SIDT1: variants seen among roughly 807,000 people sequenced by gnomAD.
The protein encoded by SIDT1 is SID1 transmembrane family member 1.
Under a neutral mutation model 107.5 loss-of-function variants are expected in SIDT1, and 101 were observed. The ratio of observed to expected loss-of-function variants is 0.94; its 90% CI spans 0.80 to 1.11. The LOEUF (loss-of-function observed/expected upper bound fraction) is 1.11. SIDT1 is among the 50% of genes least tolerant of loss of function. SIDT1 has a pLI of 0.00. For missense variants in SIDT1, 1,076 were observed against 1,058.2 expected (o/e 1.02, Z -0.23); for synonymous variants, 395 against 398.2 (o/e 0.99, Z 0.10).
rs1420793115 is a variant in SIDT1 at position 113,619,680 on chromosome 3, G to T, written c.2044G>T (p.Asp682Tyr). The change falls in exon 21 of 25, where the codon GAT (aspartate) becomes TAT (tyrosine). Residue 682 changes from aspartate (D) to tyrosine (Y), a missense_variant and splice_region_variant. Transcript: ENST00000264852. ...IQQCSRPLYM[D>Y]RMVLLVVGNL... ...TGATGTTTTCTTTCCTCTTTTCCAG[G>T]ATAGAATGGTGTTGCTGGTTGTGGG... 1 of 1,613,844 alleles carries T rather than the reference G, an allele frequency of 6.2e-7. No homozygotes were observed. The highest frequency in any genetic ancestry group is 8.5e-7 in the Non-Finnish European group (1 of 1,179,902).
chr3:113,583,610 A>C (rs1327623511), intron 7 of SIDT1, 114 bp downstream of exon 7: 8 of 646,470 alleles, frequency 1.2e-5, no homozygotes, highest in Non-Finnish European at 1.8e-5. Context: ...TTCCATCATC[A>C]TGATGGGAAA....
chr3:113,536,538 AGT>A (rs1938191682), intron 1 of SIDT1, among the ~76,000 whole-genome samples: 1 of 152,200 alleles, frequency 6.6e-6, no homozygotes, highest in Non-Finnish European at 1.5e-5. Context: ...TGGAGGAGAA[AGT>A]CTATTCTAAG....
In SIDT1 at chr3:113,623,612, T is replaced by A; in HGVS notation, c.2197-11T>A. The A allele has an allele frequency of 6.2e-7, 1 of 1,606,810 alleles. No individual in the cohort carries two copies. Among genetic ancestry groups the A allele is most frequent in the Non-Finnish European group, 8.5e-7 (1 of 1,173,602 alleles). On this transcript the variant is annotated splice_polypyrimidine_tract_variant and intron_variant, in intron 22 of 24. Transcript: ENST00000264852. ...GGTCGCGTGAGGCCGCATCTGCTTC[T>A]CCTCCCACAGCTCCGCAGCTCTGAA... is the stretch of plus-strand genomic sequence containing the variant.
At chr3:113,630,788 G>A (rs1947086595), downstream of SIDT1, among the ~76,000 whole-genome samples, 1 of 152,162 alleles carries the variant, frequency 6.6e-6, no homozygotes, top group African/African-American at 2.4e-5. Flanking sequence ...CAGGGTACCA[G>A]GAGCAGTGCT....
At chr3:113,551,778 T>C (rs142069782) in intron 1 of SIDT1, among the ~76,000 whole-genome samples, 131 of 151,990 alleles carry the variant, frequency 8.6e-4, no homozygotes, top group African/African-American at 3.0e-3. Context: ...CCATGAACCA[T>C]GGTCTTACTC....
chr3:113,544,509 T>G (rs892208246), intron 1 of SIDT1, among the ~76,000 whole-genome samples: 6 of 152,268 alleles, frequency 3.9e-5, no homozygotes, highest in East Asian at 3.9e-4. Context: ...GAGTCTTTAC[T>G]TTAATCTTAA....
At chr3:113,568,457 G>A (rs1303850110) in intron 3 of SIDT1, among the ~76,000 whole-genome samples, 7 of 151,900 alleles carry the variant, frequency 4.6e-5, no homozygotes, top group East Asian at 1.9e-4. Context: ...AGCCAGGCAC[G>A]GTGGCGGGCA....
intron 9 of SIDT1, chr3:113,589,748 G>T (rs1016205895): frequency 4.6e-5 from 7 of 152,458 alleles, no homozygotes; most frequent in African/African-American, 1.7e-4. Flanking sequence ...TGGTCAGACT[G>T]GTCTTGAATT....
At chr3:113,622,632 A>C (rs1946545813) in intron 21 of SIDT1, among the ~76,000 whole-genome samples, 1 of 152,166 alleles carries the variant, frequency 6.6e-6, no homozygotes, top group Non-Finnish European at 1.5e-5. Flanking sequence ...GCTAGCAAAA[A>C]TTTGGTAATG....
intron 2 of SIDT1, 103 bp from the exon 3 acceptor site, chr3:113,567,437 G>T: frequency 2.2e-6 from 2 of 929,210 alleles, no homozygotes; most frequent in Non-Finnish European, 3.3e-6. Context: ...ACCTGAAAAT[G>T]AATTTGGAGA....
chr3:113,568,601 A>AAAAAAGAAAAG (rs1553788329), intron 3 of SIDT1, among the ~76,000 whole-genome samples: 19 of 144,444 alleles, frequency 1.3e-4, no homozygotes, highest in East Asian at 6.4e-4. Flanking sequence ...CTCAAAAAAA[A>AAAAAAGAAAAG]AAAAGAAAAG....
chr3:113,622,461 CTCAAA>C (rs1560143883), intron 21 of SIDT1, among the ~76,000 whole-genome samples: 1 of 63,580 alleles, frequency 1.6e-5, no homozygotes, highest in African/African-American at 6.7e-5. Context: ...GAGACTCCAT[CTCAAA>C]AAAAAAAAAA....
At chr3:113,546,783 T>C (rs1436103356) in intron 1 of SIDT1, among the ~76,000 whole-genome samples, 1 of 152,240 alleles carries the variant, frequency 6.6e-6, no homozygotes, top group African/African-American at 2.4e-5. Flanking sequence ...TACCAGCATT[T>C]CTTTCTTCTT....
rs372619913 is a variant in SIDT1 at position 113,595,338 on chromosome 3, C to T, written c.1045+2290C>T. 7.9e-5 allele frequency among the ~76,000 whole-genome samples: 12 copies of T among 152,134 alleles called. No homozygotes were observed. The South Asian group carries it at 1.0e-3, about 13-fold the overall frequency. ...CTGTAATCCCAGCATTTGGGGAGGC[C>T]GAGGTTGGAGGATTGTTTGGGCCTA... On this transcript the variant is annotated intron_variant, in intron 10 of 24. Transcript: ENST00000264852.
chr3:113,554,962 G>T (rs1302923187), intron 1 of SIDT1, among the ~76,000 whole-genome samples: 2 of 152,180 alleles, frequency 1.3e-5, no homozygotes, highest in African/African-American at 4.8e-5. Flanking sequence ...CCAGAAATGA[G>T]CATGGCAACA....
rs1478181772 is a variant in SIDT1 at position 113,578,469 on chromosome 3, A to G, written c.561+1502A>G. Reference sequence around the variant, plus strand: ...GCGACAGAGCGAGACTCTGTCTCAAAAAAAAAAAAAAAAAGAAGAGGAATA... The same window carrying G: ...GCGACAGAGCGAGACTCTGTCTCAAGAAAAAAAAAAAAAAGAAGAGGAATA... On this transcript the variant is annotated intron_variant, in intron 4 of 24. Coordinates refer to ENST00000264852, the MANE Select transcript of SIDT1 (RefSeq NM_017699.3). Among the ~76,000 whole-genome samples the G allele has an allele frequency of 1.1e-3, 159 of 142,112 alleles. 1 individual carries two copies. Among genetic ancestry groups the G allele is most frequent in the African/African-American group, 3.8e-3 (154 of 40,494 alleles). The allele number at this position is 142,112 out of a possible 152,430, so 93.2% of individuals were successfully genotyped here.
chr3:113,542,814 C>T (rs990061472), intron 1 of SIDT1, among the ~76,000 whole-genome samples: 1 of 152,114 alleles, frequency 6.6e-6, no homozygotes, highest in African/African-American at 2.4e-5. Context: ...CTATATTCTC[C>T]ATCCTTCTCA....
intron 1 of SIDT1, among the ~76,000 whole-genome samples, chr3:113,544,707 C>T (rs1939377949): frequency 6.6e-6 from 1 of 152,126 alleles, no homozygotes; most frequent in Admixed American, 6.5e-5. Context: ...GTATCAGGGG[C>T]ACATGATATT....
intron 3 of SIDT1, among the ~76,000 whole-genome samples, chr3:113,568,601 A>AAAAAAG (rs1553788329): frequency 6.9e-6 from 1 of 144,446 alleles, no homozygotes; most frequent in African/African-American, 2.6e-5. Flanking sequence ...CTCAAAAAAA[A>AAAAAAG]AAAAGAAAAG....
Sources: gnomAD v4.1 joint callset for allele counts (sites outside exome capture counted in the v4.1 genomes callset) on GRCh38, gnomAD v4.1.1 for gene constraint, MANE v1.5 for transcripts, NCBI Gene and HGNC (gene_info 2026-07-23, HGNC 2026-07-21) for gene names.